The following VIT variants were observed in gnomAD, a reference collection of about 807,000 sequenced individuals.
VIT encodes vitrin.
VIT carries 99 observed loss-of-function variants against 78.0 expected under a neutral mutation model. The observed-to-expected ratio is 1.27, with a 90% CI of 1.08 to 1.50. The LOEUF (loss-of-function observed/expected upper bound fraction) is 1.50, where lower values mean the gene tolerates loss of function less well. Among genes scored for constraint, VIT ranks in the 40% most tolerant of loss-of-function variants. VIT has a pLI of 0.00. For missense variants in VIT, 1,126 were observed against 875.3 expected, an observed-to-expected ratio of 1.29 and a Z score of -3.61; for synonymous variants, 374 against 334.3, an observed-to-expected ratio of 1.12 and a Z score of -1.29.
chr2:36,724,208 G>C (rs896719634), intron 2 of VIT, among the ~76,000 whole-genome samples: 1 of 151,960 alleles, frequency 6.6e-6, no homozygotes, highest in Non-Finnish European at 1.5e-5. Flanking sequence ...TAGTAGAGAC[G>C]GGGTTTCACC....
At chr2:36,796,431 C>T (rs1158190988) in intron 12 of VIT, among the ~76,000 whole-genome samples, 3 of 152,152 alleles carry the variant, frequency 2.0e-5, no homozygotes, top group Non-Finnish European at 4.4e-5. Flanking sequence ...CTCATGGCAA[C>T]TGCAACTTTA....
rs1415205230 is a variant in VIT at position 36,774,970 on chromosome 2, G to A, written c.737-32G>A. 4 of 1,611,440 alleles carry A rather than the reference G, an allele frequency of 2.5e-6. No individual in the cohort carries two copies. In the Admixed American group the frequency reaches 5.0e-5, roughly 20 times the overall value. ...AAAGAAAGCAGCCTGCTGGTTGTGT[G>A]TAAATCGGCTGACCCTGTGTAATCC... On this transcript the variant is annotated intron_variant, in intron 8 of 15. Transcript: ENST00000379242.
intron 11 of VIT, among the ~76,000 whole-genome samples, chr2:36,784,567 G>A (rs1015396502): frequency 2.0e-5 from 3 of 152,238 alleles, no homozygotes; most frequent in Non-Finnish European, 2.9e-5. Context: ...ACTGTGGTAT[G>A]TATCCAGAGT....
chr2:36,777,934 A>C (rs1398605004), intron 9 of VIT, among the ~76,000 whole-genome samples: 1 of 152,150 alleles, frequency 6.6e-6, no homozygotes, highest in East Asian at 1.9e-4. Flanking sequence ...TGTTTAGATC[A>C]ACCCAGACAC....
At chr2:36,742,033 C>T (rs1437613572) in intron 3 of VIT, among the ~76,000 whole-genome samples, 1 of 152,162 alleles carries the variant, frequency 6.6e-6, no homozygotes, top group African/African-American at 2.4e-5. Flanking sequence ...TTGGTAATTT[C>T]CAGACCATTC....
At chr2:36,797,990 G>A (rs894578070) in intron 12 of VIT, among the ~76,000 whole-genome samples, 2 of 152,242 alleles carry the variant, frequency 1.3e-5, no homozygotes, top group African/African-American at 2.4e-5. Context: ...CTTTCCAGAT[G>A]AGGGAAGAAG....
chr2:36,768,350 T>C (rs1317732555), intron 7 of VIT, among the ~76,000 whole-genome samples: 1 of 152,170 alleles, frequency 6.6e-6, no homozygotes, highest in Middle Eastern at 3.2e-3. Flanking sequence ...GAGAGTCGCT[T>C]GAACCTGGGA....
At chr2:36,757,078 G>A (rs901218415) in intron 5 of VIT, among the ~76,000 whole-genome samples, 12 of 152,144 alleles carry the variant, frequency 7.9e-5, no homozygotes, top group Middle Eastern at 3.2e-3. Flanking sequence ...AGCCTCTCTC[G>A]AATGGATGAG....
At position 36,801,286 on chromosome 2, in the gene VIT, G is replaced by A; in HGVS notation, c.1059-15G>A. ...ACTTTGCAGCTAATTTGTATTTCTT[G>A]TTCTGACTCTTCAGAGACAACCCTG... On this transcript the variant is annotated splice_polypyrimidine_tract_variant and intron_variant, in intron 12 of 15. Transcript: ENST00000379242. The A allele has an allele frequency of 6.2e-7, 1 of 1,605,762 alleles. No homozygotes were observed. Among genetic ancestry groups the A allele is most frequent in the Non-Finnish European group, 8.5e-7 (1 of 1,172,646 alleles).
At chr2:36,803,470 G>A (rs551432414) in intron 13 of VIT, among the ~76,000 whole-genome samples, 2 of 152,330 alleles carry the variant, frequency 1.3e-5, no homozygotes, top group South Asian at 4.1e-4. Context: ...AGGTGGGGTT[G>A]AGGGGATCTT....
intron 1 of VIT, among the ~76,000 whole-genome samples, chr2:36,701,955 C>A (rs1214419080): frequency 2.6e-5 from 4 of 152,182 alleles, no homozygotes; most frequent in African/African-American, 9.6e-5. Flanking sequence ...AAAAACATTT[C>A]CATTTTCTCA....
In VIT at chr2:36,808,813, C is replaced by A; in HGVS notation, c.1731C>A (p.Ile577=). 1 of 1,614,174 alleles carries A rather than the reference C, an allele frequency of 6.2e-7. No individual in the cohort carries two copies. The highest frequency in any genetic ancestry group is 8.5e-7 in the Non-Finnish European group (1 of 1,180,010). ...GCAAGCCTGACATCCTCAACGCCATCAAGAGGGTGGGCTACTGGAGTGGTG... is the reference window on the plus strand; with the variant it reads ...GCAAGCCTGACATCCTCAACGCCATAAAGAGGGTGGGCTACTGGAGTGGTG... ...YSSKPDILNA[I]KRVGYWSGGT... is the part of the protein sequence containing the mutation. The change falls in exon 15 of 16, where the codon ATC becomes ATA. Residue 577 remains isoleucine, a synonymous_variant. Coordinates refer to ENST00000379242, the MANE Select transcript of VIT (RefSeq NM_053276.4).
Position 36,716,438 on chromosome 2 carries a change from T to A in VIT, c.52+16T>A. 1.9e-6 allele frequency: 3 copies of A among 1,612,992 alleles called. No homozygotes were observed. The highest frequency in any genetic ancestry group is 2.5e-6 in the Non-Finnish European group (3 of 1,179,298). On this transcript the variant is annotated intron_variant, in intron 2 of 15. Coordinates refer to ENST00000379242, the MANE Select transcript of VIT (RefSeq NM_053276.4). ...ATGTTCCTTGGTAAGTACTTTTATATGTGTATCTGGATACCCTTTTAAAAT... is the reference window on the plus strand; with the variant it reads ...ATGTTCCTTGGTAAGTACTTTTATAAGTGTATCTGGATACCCTTTTAAAAT...
At chr2:36,761,738 TA>T (rs959383942) in intron 6 of VIT, among the ~76,000 whole-genome samples, 219 of 147,018 alleles carry the variant, frequency 1.5e-3, no homozygotes, top group African/African-American at 2.6e-3. Context: ...AGACTCCATC[TA>T]AAAAAAAAAG....
At chr2:36,772,433 G>C (rs189615980) in intron 7 of VIT, among the ~76,000 whole-genome samples, 2 of 152,358 alleles carry the variant, frequency 1.3e-5, no homozygotes, top group East Asian at 3.9e-4. Context: ...CTACTCGGGA[G>C]GCTGAGGCAG....
chr2:36,715,436 C>A (rs1055979214), intron 1 of VIT, among the ~76,000 whole-genome samples: 1 of 151,818 alleles, frequency 6.6e-6, no homozygotes, highest in Admixed American at 6.6e-5. Context: ...ACTTGGGAGG[C>A]TGAGGCACAG....
chr2:36,717,334 ATG>A (rs70946944), intron 2 of VIT, among the ~76,000 whole-genome samples: 4,374 of 63,854 alleles, frequency 0.069, 156 homozygotes, highest in Non-Finnish European at 0.075. Flanking sequence ...CGCCTGGCTA[ATG>A]TGTGTGTGTG....
Position 36,808,646 on chromosome 2 carries a change from G to A in VIT, c.1564G>A (p.Gly522Arg), listed in dbSNP as rs1666919321. The change falls in exon 15 of 16, where the codon GGG becomes AGG. Residue 522 changes from glycine to arginine, a missense_variant. Transcript: ENST00000379242. Reference protein sequence around the residue: ...GFVIDGSSSVGTGNFRTVLQF... With the variant: ...GFVIDGSSSVRTGNFRTVLQF... ...CGTCATCGACGGCTCCAGCAGTGTG[G>A]GGACGGGCAACTTCCGCACCGTCCT... The A allele has an allele frequency of 6.2e-7, 1 of 1,614,094 alleles. No individual in the cohort carries two copies. The highest frequency in any genetic ancestry group is 8.5e-7 in the Non-Finnish European group (1 of 1,180,052).
chr2:36,793,608 C>G (rs1450892829), intron 12 of VIT, among the ~76,000 whole-genome samples: 2 of 152,208 alleles, frequency 1.3e-5, no homozygotes, highest in Non-Finnish European at 2.9e-5. Context: ...CAGGCATGGT[C>G]CATCTCATTG....
Sources: gnomAD v4.1 joint callset for allele counts (sites outside exome capture counted in the v4.1 genomes callset) on GRCh38, gnomAD v4.1.1 for gene constraint, MANE v1.5 for transcripts, NCBI Gene and HGNC (gene_info 2026-07-23, HGNC 2026-07-21) for gene names.